KANSL1L: variants seen among roughly 807,000 people sequenced by gnomAD.
KANSL1L encodes the protein KAT8 regulatory NSL complex subunit 1-like protein.
In KANSL1L, 25 loss-of-function variants were observed where a neutral mutation model predicts 108.6. The ratio of observed to expected loss-of-function variants is 0.23; its 90% CI spans 0.17 to 0.32. The LOEUF is 0.32. Ranked by LOEUF, KANSL1L falls within the 10% of genes least tolerant of loss-of-function variation. The pLI is 1.00. For synonymous variants in KANSL1L, 405 were observed against 395.1 expected (o/e 1.03, Z -0.30); for missense variants, 1,137 against 1,125.7 (o/e 1.01, Z -0.14).
chr2:210,162,729 C>CACT (rs58265562), intron 1 of KANSL1L, among the ~76,000 whole-genome samples: 4 of 151,952 alleles, frequency 2.6e-5, no homozygotes, highest in South Asian at 2.1e-4. Flanking sequence ...AAAAGATCAT[C>CACT]GAGATAGGAG....
chr2:210,093,638 T>C (rs2094711243), intron 5 of KANSL1L, among the ~76,000 whole-genome samples: 1 of 152,230 alleles, frequency 6.6e-6, no homozygotes, highest in South Asian at 2.1e-4. Flanking sequence ...TCTCAGCTTT[T>C]GGCTTGGCAA....
intron 12 of KANSL1L, 44 bp downstream of exon 12, chr2:210,027,252 A>G: frequency 7.8e-7 from 1 of 1,280,852 alleles, no homozygotes; most frequent in Non-Finnish European, 1.1e-6. Flanking sequence ...CAGGTTTCAT[A>G]ATACATAATG....
At chr2:210,153,451 T>G (rs1343007680) in intron 2 of KANSL1L, 44 bp downstream of exon 2, 1 of 1,462,560 alleles carries the variant, frequency 6.8e-7, no homozygotes, top group Non-Finnish European at 9.5e-7. Context: ...TAATTGCTGC[T>G]ATATATGGAA....
chr2:210,172,481 C>T (rs1271793778), upstream of KANSL1L, among the ~76,000 whole-genome samples: 1 of 152,214 alleles, frequency 6.6e-6, no homozygotes, highest in African/African-American at 2.4e-5. Flanking sequence ...AAATTAGCTA[C>T]TCGTTCCTGG....
At position 210,154,232 on chromosome 2, in the gene KANSL1L, G is replaced by C. The variant is rs1575630928; in HGVS notation, c.351C>G (p.Ser117Arg). 2 of 1,613,948 alleles carry C rather than the reference G, an allele frequency of 1.2e-6. No homozygotes were observed. The highest frequency in any genetic ancestry group is 2.2e-5 in the South Asian group (2 of 91,068). The change falls in exon 2 of 15, where the codon AGC becomes AGG. Residue 117 changes from serine (S) to arginine (R), a missense_variant. Ser to Arg is a moderately radical substitution (Grantham distance 110, BLOSUM62 -1). Coordinates refer to ENST00000281772, the MANE Select transcript of KANSL1L (RefSeq NM_152519.4). ...NKLKNILYNG[S>R]NIQLSKICLS... is the part of the protein sequence containing the mutation. ...GACAGATTTTACTGAGCTGAATGTTGCTGCCATTATACAGTATGTTTTTCA... is the reference window on the plus strand; with the variant it reads ...GACAGATTTTACTGAGCTGAATGTTCCTGCCATTATACAGTATGTTTTTCA...
Position 210,044,165 on chromosome 2 carries a change from A to C in KANSL1L, c.1756-61T>G, listed in dbSNP as rs1253649545. On this transcript the variant is annotated intron_variant, in intron 6 of 14. Transcript: ENST00000281772. This position sits in a 1 kb window ranked among gnomAD's most constrained non-coding sequence, Gnocchi z 4.2. The stretch of plus-strand genomic sequence containing the variant: ...AAGCATCCATAAATGGCATATCTCT[A>C]CATTTATTTAGGTTATCTTTAAATA... 3 of 1,118,358 alleles carry C rather than the reference A, an allele frequency of 2.7e-6. No homozygotes were observed. Among genetic ancestry groups the C allele is most frequent in the African/African-American group, 1.6e-5 (1 of 62,290 alleles). The allele number at this position is 1,118,358 out of a possible 1,614,324, so 69.3% of individuals were successfully genotyped here.
At chr2:210,024,222 A>C (rs1323256100) in intron 13 of KANSL1L, 21 bp from the exon 14 acceptor site, 2 of 1,522,524 alleles carry the variant, frequency 1.3e-6, no homozygotes, top group Non-Finnish European at 1.8e-6. Flanking sequence ...AATCAGGAAA[A>C]CACAATTATT....
intron 6 of KANSL1L, among the ~76,000 whole-genome samples, chr2:210,047,813 C>T (rs6724029): frequency 0.015 from 2,212 of 152,170 alleles, 65 homozygotes; most frequent in African/African-American, 0.051. Context: ...CCAAAGGATG[C>T]GATCTTTCTC....
intron 1 of KANSL1L, chr2:210,170,508 G>T (rs1434562263): frequency 2.1e-5 from 8 of 381,412 alleles, no homozygotes; most frequent in Non-Finnish European, 2.9e-5. Context: ...CAAACACCAC[G>T]CAATCTGACT....
chr2:210,083,098 G>A (rs2094603099), intron 5 of KANSL1L, among the ~76,000 whole-genome samples: 1 of 152,164 alleles, frequency 6.6e-6, no homozygotes, highest in Admixed American at 6.5e-5. Context: ...AAAGATAGAG[G>A]CAGAGTTTGG....
chr2:210,157,744 G>T (rs1183010599), intron 1 of KANSL1L, among the ~76,000 whole-genome samples: 2 of 149,478 alleles, frequency 1.3e-5, no homozygotes, highest in Non-Finnish European at 3.0e-5. Context: ...GGGCACAGTG[G>T]CTCATGCCTA....
intron 2 of KANSL1L, among the ~76,000 whole-genome samples, chr2:210,141,977 G>A (rs1355167500): frequency 1.3e-5 from 2 of 151,932 alleles, no homozygotes; most frequent in Non-Finnish European, 2.9e-5. Flanking sequence ...TAGTGACAAA[G>A]GACATTGGCC....
Position 210,098,202 on chromosome 2 carries a change from T to G in KANSL1L, c.1434A>C (p.Ala478=). 1 of 1,610,900 alleles carries G rather than the reference T, an allele frequency of 6.2e-7. No individual in the cohort carries two copies. Among genetic ancestry groups the G allele is most frequent in the Non-Finnish European group, 8.5e-7 (1 of 1,178,626 alleles). ...LLLRNIEKQS[A]QLTEIINSLI... ...AACTGTTGATGATCTCAGTCAACTG[T>G]GCACTCTGCAAGGAAACAGTCAACC... Residue 478 remains alanine (A), a synonymous_variant, in exon 5 of 15, where the codon GCA becomes GCC. Coordinates refer to ENST00000281772, the MANE Select transcript of KANSL1L (RefSeq NM_152519.4).
At position 210,092,359 on chromosome 2, in the gene KANSL1L, T is replaced by C. The variant is rs950349856; in HGVS notation, c.1550+5727A>G. On this transcript the variant is annotated intron_variant, in intron 5 of 14. Transcript: ENST00000281772. ...CTCTTCTGTATTTTCCATTGTTTCA[T>C]ATCTTTTGCTACATTTTGGAACTTT... is the stretch of plus-strand genomic sequence containing the variant. Among the ~76,000 whole-genome samples the C allele has an allele frequency of 2.0e-5, 3 of 152,252 alleles. No homozygotes were observed. The East Asian group carries it at 5.8e-4, about 29-fold the overall frequency.
chr2:210,170,423 C>G (rs1011966504), intron 1 of KANSL1L: 9 of 981,034 alleles, frequency 9.2e-6, no homozygotes, highest in Non-Finnish European at 1.1e-5. Flanking sequence ...CCTGCCCTCC[C>G]GACTGCAAAG....
At chr2:210,114,985 A>C (rs1264010790) in intron 3 of KANSL1L, among the ~76,000 whole-genome samples, 5 of 152,130 alleles carry the variant, frequency 3.3e-5, no homozygotes, top group Admixed American at 6.5e-5. Context: ...TTCAGTGTCA[A>C]AAAATAATCA....
chr2:210,140,165 T>A (rs1156955373), intron 2 of KANSL1L, among the ~76,000 whole-genome samples: 3 of 152,244 alleles, frequency 2.0e-5, no homozygotes, highest in African/African-American at 7.2e-5. Flanking sequence ...TCTTTTGCTG[T>A]GTCAAACCTT....
intron 5 of KANSL1L, among the ~76,000 whole-genome samples, chr2:210,090,003 C>A (rs1044832594): frequency 6.6e-6 from 1 of 152,126 alleles, no homozygotes; most frequent in African/African-American, 2.4e-5. Context: ...AAATCCTTAT[C>A]CTAATTCAGG....
At chr2:210,029,961 C>A in intron 9 of KANSL1L, 43 bp from the exon 10 acceptor site, 2 of 916,874 alleles carry the variant, frequency 2.2e-6, no homozygotes, top group South Asian at 3.3e-5. Flanking sequence ...TTAAACAAGT[C>A]TAATATCATT....
Sources: allele counts gnomAD v4.1 joint callset (sites outside exome capture counted in the v4.1 genomes callset), GRCh38; gene constraint gnomAD v4.1.1; non-coding constraint Gnocchi (gnomAD v3.1); transcripts MANE v1.5; gene names NCBI Gene and HGNC (gene_info 2026-07-23, HGNC 2026-07-21).